Variants in NALCN observed in about 807,000 individuals in gnomAD.
NALCN encodes the protein sodium leak channel NALCN.
In NALCN, 111 loss-of-function variants were observed where a neutral mutation model predicts 225.3. The ratio of observed to expected loss-of-function variants is 0.49; its 90% CI spans 0.42 to 0.58. The LOEUF (loss-of-function observed/expected upper bound fraction) is 0.58. NALCN is among the 20% of genes least tolerant of loss of function. NALCN has a pLI of 0.00. For synonymous variants in NALCN, 764 were observed against 769.0 expected (o/e 0.99, Z 0.11); for missense variants, 1,378 against 2,202.4 (o/e 0.63, Z 7.49).
Position 101,377,012 on chromosome 13 carries a change from G to A in NALCN, c.420C>T (p.Gly140=), listed in dbSNP as rs903591341. 2.1e-5 allele frequency: 34 copies of A among 1,614,140 alleles called. No individual in the cohort carries two copies. Among genetic ancestry groups the A allele is most frequent in the Non-Finnish European group, 2.6e-5 (31 of 1,180,026 alleles). Residue 140 remains glycine (G), a synonymous_variant, in exon 5 of 44, where the codon GGC becomes GGT. Coordinates refer to ENST00000251127, the MANE Select transcript of NALCN (RefSeq NM_052867.4). ...ADIVDQMSPW[G]MLRIPRPLIM... ...TCAGTGGCCGTGGAATCCGCAACAT[G>A]CCCCAAGGTGACATCTGATCAACTA...
At chr13:101,074,444 T>C in intron 36 of NALCN, 70 bp downstream of exon 36, 6 of 1,382,480 alleles carry the variant, frequency 4.3e-6, no homozygotes, top group Non-Finnish European at 5.7e-6. Context: ...CAAAAAACAT[T>C]TGTTTATTTA....
At chr13:101,138,863 A>G (rs956984151) in intron 17 of NALCN, among the ~76,000 whole-genome samples, 5 of 152,210 alleles carry the variant, frequency 3.3e-5, no homozygotes, top group African/African-American at 1.2e-4. Context: ...ACAAGTAGAA[A>G]TTGTTGCTTG....
At position 101,310,748 on chromosome 13, in the gene NALCN, A is replaced by G. The variant is rs1182221080; in HGVS notation, c.800-18382T>C. On this transcript the variant is annotated intron_variant, in intron 7 of 43. Transcript: ENST00000251127. The stretch of plus-strand genomic sequence containing the variant: ...GCACATAGTGGGTCCTCAATAAACT[A>G]TTTTTGAATATTGAATGGATAAAAT... Among the ~76,000 whole-genome samples, 9 of 152,132 alleles carry G rather than the reference A, an allele frequency of 5.9e-5. No homozygotes were observed. The South Asian group carries it at 6.2e-4, about 10-fold the overall frequency.
intron 18 of NALCN, chr13:101,117,006 G>T (rs1477492627): frequency 2.0e-6 from 1 of 510,076 alleles, no homozygotes; most frequent in Admixed American, 2.0e-5. Flanking sequence ...ATGGCCTCTT[G>T]CTGAGATGAG....
intron 18 of NALCN, among the ~76,000 whole-genome samples, chr13:101,124,203 C>T (rs620771): frequency 0.26 from 39,106 of 151,854 alleles, 5,237 homozygotes; most frequent in East Asian, 0.44. Context: ...TTATTATTTC[C>T]GGATTTTTAA....
At chr13:101,368,402 A>G (rs1256650177) in intron 6 of NALCN, 4 of 151,926 alleles carry the variant, frequency 2.6e-5, no homozygotes, top group Non-Finnish European at 5.9e-5. Flanking sequence ...CCAGTCTATC[A>G]TTGTTGGACA....
chr13:101,097,976 A>G (rs2034606029), intron 27 of NALCN, among the ~76,000 whole-genome samples: 3 of 152,220 alleles, frequency 2.0e-5, no homozygotes, highest in Admixed American at 2.0e-4. Context: ...CAGAAGGATT[A>G]AGTGACCAGA....
At chr13:101,157,541 C>A (rs1375684002) in intron 15 of NALCN, among the ~76,000 whole-genome samples, 2 of 152,164 alleles carry the variant, frequency 1.3e-5, no homozygotes, top group African/African-American at 4.8e-5. Flanking sequence ...TGAAATCAGT[C>A]ATCCTCAATT....
chr13:101,408,708 T>C (rs2047693582), intron 1 of NALCN, among the ~76,000 whole-genome samples: 1 of 152,144 alleles, frequency 6.6e-6, no homozygotes, highest in Admixed American at 6.6e-5. Context: ...CTCCTCCAAA[T>C]GCCACCTGCC....
chr13:101,058,024 C>T lies in NALCN; in HGVS notation c.4938G>A (p.Thr1646=), dbSNP rs778454658. Residue 1646 remains threonine, a synonymous_variant, in exon 43 of 44, where the codon ACG becomes ACA. Coordinates refer to ENST00000251127, the MANE Select transcript of NALCN (RefSeq NM_052867.4). ...GCCGACTTCCTCCTCGATCCGACAG[C>T]GTGGGGCTCAGGAGCTGCTGCTGGC... is the stretch of plus-strand genomic sequence containing the variant. The part of the protein sequence containing the change: ...TSSQQQLLSP[T]LSDRGGSRQD... 6.2e-6 allele frequency: 10 copies of T among 1,613,418 alleles called. No individual in the cohort carries two copies. The highest frequency in any genetic ancestry group is 4.0e-5 in the African/African-American group (3 of 74,916).
At position 101,053,791 on chromosome 13, in the gene NALCN, A is replaced by G. The variant is rs2030860273; in HGVS notation, c.*1504T>C. On this transcript the variant is annotated 3_prime_UTR_variant, in exon 44 of 44. Coordinates refer to ENST00000251127, the MANE Select transcript of NALCN (RefSeq NM_052867.4). ...TCAGAGTAAATTATTTTACAAATCC[A>G]ATATTTATTTTATCTTGTATGTACA... 6.6e-6 allele frequency: 1 copy of G among 152,146 alleles called. No individual in the cohort carries two copies. Among genetic ancestry groups the G allele is most frequent in the Admixed American group, 6.5e-5 (1 of 15,268 alleles). The allele number at this position is 152,146 out of a possible 1,614,324, so 9.4% of individuals were successfully genotyped here. A position where few individuals can be genotyped will look rare whatever the true frequency, so the allele number is the denominator to read the frequency against.
At chr13:101,080,767 T>TA (rs1371904164) in intron 34 of NALCN, among the ~76,000 whole-genome samples, 4 of 123,876 alleles carry the variant, frequency 3.2e-5, no homozygotes, top group African/African-American at 8.7e-5. Flanking sequence ...AATTAATTAT[T>TA]ATTTATTTAA....
chr13:101,137,643 T>C (rs775475274), intron 17 of NALCN, among the ~76,000 whole-genome samples: 1 of 152,082 alleles, frequency 6.6e-6, no homozygotes, highest in Admixed American at 6.6e-5. Flanking sequence ...AATCAAACTC[T>C]AAAAAAATCA....
rs1478143753 is a variant in NALCN at position 101,054,778 on chromosome 13, G to GTAGTT, written c.*512_*516dup. 2.6e-5 allele frequency: 4 copies of GTAGTT among 152,238 alleles called. No individual in the cohort carries two copies. Among genetic ancestry groups the GTAGTT allele is most frequent in the African/African-American group, 9.7e-5 (4 of 41,446 alleles). 9.4% of individuals were successfully genotyped at this position (152,238 alleles called of 1,614,324 possible). A position where few individuals can be genotyped will look rare whatever the true frequency, so the allele number is the denominator to read the frequency against. The stretch of plus-strand genomic sequence containing the variant: ...AGATACTTTTTAAAATTCAGAATCT[G>GTAGTT]TAGTTTGTAAAACTACTATCATTTT... On this transcript the variant is annotated 3_prime_UTR_variant, in exon 44 of 44. Transcript: ENST00000251127.
At chr13:101,123,282 T>C (rs148774831) in intron 18 of NALCN, among the ~76,000 whole-genome samples, 14 of 152,310 alleles carry the variant, frequency 9.2e-5, no homozygotes, top group Admixed American at 2.6e-4. Flanking sequence ...AGATACTCGA[T>C]GCAGACTGAG....
At chr13:101,159,692 G>T (rs1300652481) in intron 15 of NALCN, among the ~76,000 whole-genome samples, 1 of 152,126 alleles carries the variant, frequency 6.6e-6, no homozygotes, top group Admixed American at 6.5e-5. Context: ...TCTTGTCAGG[G>T]TCTAGTGCAG....
In NALCN at chr13:101,058,019, G is replaced by A. The variant is rs779956241; in HGVS notation, c.4943C>T (p.Ser1648Leu). ...SQQQLLSPTL[S>L]DRGGSRQDAA... ...ATCTTGCCGACTTCCTCCTCGATCC[G>A]ACAGCGTGGGGCTCAGGAGCTGCTG... Residue 1648 changes from serine to leucine, a missense_variant, in exon 43 of 44, where the codon TCG becomes TTG. Ser to Leu is a moderately radical substitution (Grantham distance 145). This residue lies in a region of NALCN where 145 missense variants were observed against 169.6 expected (regional missense o/e 0.85). Transcript: ENST00000251127. The A allele has an allele frequency of 5.0e-6, 8 of 1,613,466 alleles. No individual in the cohort carries two copies. Among genetic ancestry groups the A allele is most frequent in the East Asian group, 2.2e-5 (1 of 44,886 alleles).
intron 7 of NALCN, among the ~76,000 whole-genome samples, chr13:101,323,280 C>T (rs1318402371): frequency 4.6e-5 from 7 of 152,126 alleles, no homozygotes. Context: ...GCTTAAATAA[C>T]TCATAATTAC....
At chr13:101,135,491 T>C (rs1368064249) in intron 17 of NALCN, among the ~76,000 whole-genome samples, 3 of 152,160 alleles carry the variant, frequency 2.0e-5, no homozygotes, top group Non-Finnish European at 2.9e-5. Context: ...CTCCGCCCCC[T>C]GGGCTCAAGC....
Sources: allele counts gnomAD v4.1 joint callset (sites outside exome capture counted in the v4.1 genomes callset), GRCh38; gene constraint gnomAD v4.1.1; regional missense constraint gnomAD v4.1.1; transcripts MANE v1.5; gene names NCBI Gene and HGNC (gene_info 2026-07-23, HGNC 2026-07-21).